Variants in DCC observed in about 807,000 individuals in gnomAD.
DCC encodes DCC netrin 1 receptor, also known as netrin receptor DCC.
A neutral mutation model predicts 172.5 loss-of-function variants in DCC; 58 were observed. The ratio of observed to expected loss-of-function variants is 0.34; its 90% CI spans 0.27 to 0.42. DCC has a LOEUF of 0.42. DCC is among the 10% of genes least tolerant of loss of function. DCC has a pLI of 1.00. For missense variants in DCC, 1,740 were observed against 1,791.0 expected (o/e 0.97, Z 0.51); for synonymous variants, 709 against 644.5 (o/e 1.10, Z -1.52).
intron 7 of DCC, among the ~76,000 whole-genome samples, chr18:53,080,480 A>T (rs112754520): frequency 0.016 from 2,405 of 152,274 alleles, 51 homozygotes; most frequent in African/African-American, 0.054. Flanking sequence ...TGCCAGGTAT[A>T]AACTATGATA....
chr18:53,410,728 C>G (rs903512364), intron 20 of DCC, 82 bp downstream of exon 20: 3 of 861,456 alleles, frequency 3.5e-6, no homozygotes, highest in Non-Finnish European at 4.0e-6. Flanking sequence ...AGAAATGGCC[C>G]TGCACCATCT....
chr18:53,323,932 A>G (rs2057439114), intron 14 of DCC, among the ~76,000 whole-genome samples: 1 of 150,512 alleles, frequency 6.6e-6, no homozygotes, highest in South Asian at 2.2e-4. Flanking sequence ...AGTTTGTAAG[A>G]TAAGCAGGTT....
chr18:52,944,085 A>G (rs961414728), intron 5 of DCC, among the ~76,000 whole-genome samples: 2 of 152,218 alleles, frequency 1.3e-5, no homozygotes, highest in African/African-American at 2.4e-5. Context: ...TGAAAATATC[A>G]AAGTTTGACA....
chr18:53,468,342 T>TTTTTTTTATTTATTTA (rs1555675964), intron 25 of DCC, among the ~76,000 whole-genome samples: 10 of 131,018 alleles, frequency 7.6e-5, no homozygotes, highest in South Asian at 2.3e-4. Flanking sequence ...CATAGTTTAT[T>TTTTTTTTATTTATTTA]TTTATTTATT....
intron 21 of DCC, among the ~76,000 whole-genome samples, chr18:53,429,335 G>A (rs975940637): frequency 2.1e-5 from 2 of 93,574 alleles, no homozygotes; most frequent in South Asian, 6.2e-4. Context: ...TAAACCAAGA[G>A]CAGAAATTAG....
rs140946246 is a variant in DCC at position 53,432,894 on chromosome 18, G to A, written c.3164-2250G>A. On this transcript the variant is annotated intron_variant, in intron 21 of 28. Transcript: ENST00000442544. ...TCTGTCTTTAGATCAAGAGATCTTA[G>A]GCTCATCAACATCCCAGAAATGGGT... Among the ~76,000 whole-genome samples the A allele has an allele frequency of 5.9e-5, 9 of 152,178 alleles. No individual in the cohort carries two copies. In the East Asian group the frequency reaches 1.5e-3, roughly 26 times the overall value.
intron 25 of DCC, among the ~76,000 whole-genome samples, chr18:53,482,332 T>G (rs989704900): frequency 6.6e-6 from 1 of 152,124 alleles, no homozygotes; most frequent in African/African-American, 2.4e-5. Flanking sequence ...TACAACAGAT[T>G]TATTATTTTT....
chr18:53,066,661 A>G (rs1394180871), intron 7 of DCC, among the ~76,000 whole-genome samples: 2 of 151,808 alleles, frequency 1.3e-5, no homozygotes, highest in East Asian at 3.9e-4. Flanking sequence ...ATAAATATAT[A>G]TACATAAGGA....
chr18:52,534,072 A>G (rs1263095357), intron 1 of DCC, among the ~76,000 whole-genome samples: 1 of 152,142 alleles, frequency 6.6e-6, no homozygotes, highest in East Asian at 1.9e-4. Flanking sequence ...GTCCTACTGT[A>G]TGGATATACC....
intron 1 of DCC, among the ~76,000 whole-genome samples, chr18:52,628,737 C>A (rs573030233): frequency 4.1e-4 from 63 of 152,300 alleles, no homozygotes; most frequent in Non-Finnish European, 7.1e-4. Flanking sequence ...AGGGAGGCAA[C>A]CCTAGTGTAT....
In DCC at chr18:52,794,338, CA is replaced by C. The variant is rs572585767; in HGVS notation, c.412+41965del. 8.6e-5 allele frequency among the ~76,000 whole-genome samples: 13 copies of C among 151,280 alleles called. No homozygotes were observed. In the East Asian group the frequency reaches 1.6e-3, roughly 18 times the overall value. On this transcript the variant is annotated intron_variant, in intron 2 of 28. Coordinates refer to ENST00000442544, the MANE Select transcript of DCC (RefSeq NM_005215.4). ...TGCTTGTGTCTTCAATTTCTTTCAT[CA>C]TTTTTTTTGTAGTTGTAGAAGTCTT...
chr18:52,389,036 G>T (rs1204392470), intron 1 of DCC, among the ~76,000 whole-genome samples: 1 of 152,062 alleles, frequency 6.6e-6, no homozygotes, highest in Admixed American at 6.6e-5. Flanking sequence ...TGCCCAGTGT[G>T]TATGGGGAAG....
intron 17 of DCC, among the ~76,000 whole-genome samples, chr18:53,394,238 T>C (rs1908768362): frequency 6.6e-6 from 1 of 152,152 alleles, no homozygotes. Context: ...ATCTATATGA[T>C]GGAAATATCC....
rs138933883 is a variant in DCC, at chr18:53,218,138, C to T, written c.1911+2541C>T. Reference sequence around the variant, plus strand: ...TGCTGAGATTACAGGCATGAGTGACCATGCTCAATTCATGAATTTTTTACG... The same window carrying T: ...TGCTGAGATTACAGGCATGAGTGACTATGCTCAATTCATGAATTTTTTACG... On this transcript the variant is annotated intron_variant, in intron 12 of 28. Coordinates refer to ENST00000442544, the MANE Select transcript of DCC (RefSeq NM_005215.4). Among the ~76,000 whole-genome samples, 853 of 152,148 alleles carry T rather than the reference C, an allele frequency of 5.6e-3. 6 individuals are homozygous for T. The highest frequency in any genetic ancestry group is 0.023 in the Admixed American group (351 of 15,270).
chr18:53,097,407 A>T (rs923702340), intron 7 of DCC, among the ~76,000 whole-genome samples: 3 of 152,216 alleles, frequency 2.0e-5, no homozygotes, highest in Non-Finnish European at 4.4e-5. Flanking sequence ...TCATAAAGGC[A>T]TTTATTTATA....
chr18:52,353,536 T>C (rs112604180), intron 1 of DCC, among the ~76,000 whole-genome samples: 7,120 of 152,304 alleles, frequency 0.047, 207 homozygotes, highest in Middle Eastern at 0.088. Context: ...TGATTGGGGA[T>C]GGTCTTCAGG....
intron 2 of DCC, among the ~76,000 whole-genome samples, chr18:52,842,615 A>G (rs957795794): frequency 6.6e-6 from 1 of 152,206 alleles, no homozygotes; most frequent in Non-Finnish European, 1.5e-5. Context: ...TGTGCATCAC[A>G]TGGCCTAGTT....
chr18:52,633,597 G>A (rs1259071475), intron 1 of DCC, among the ~76,000 whole-genome samples: 2 of 152,098 alleles, frequency 1.3e-5, no homozygotes, highest in African/African-American at 4.8e-5. Context: ...ATGAACTTTT[G>A]ATTTTTAAAA....
rs10526030 is a variant in DCC, at chr18:53,066,353, GTATATATATATATATATATA to G, written c.1261+213_1261+232del. ...TAGAAAATTGTGTGTGTACATGTGT[GTATATATATATATATATATA>G]TATATATATATATATATATATATAT... On this transcript the variant is annotated intron_variant, in intron 7 of 28. Coordinates refer to ENST00000442544, the MANE Select transcript of DCC (RefSeq NM_005215.4). Among the ~76,000 whole-genome samples, 111 of 94,616 alleles carry G rather than the reference GTATATATATATATATATATA, an allele frequency of 1.2e-3. 3 individuals are homozygous for G. The highest frequency in any genetic ancestry group is 2.6e-3 in the African/African-American group (72 of 27,222). The allele number at this position is 94,616 out of a possible 152,430, so 62.1% of individuals were successfully genotyped here. A position where few individuals can be genotyped will look rare whatever the true frequency, so the allele number is the denominator to read the frequency against.
Sources: gnomAD v4.1 joint callset for allele counts (sites outside exome capture counted in the v4.1 genomes callset) on GRCh38, gnomAD v4.1.1 for gene constraint, MANE v1.5 for transcripts, NCBI Gene and HGNC (gene_info 2026-07-23, HGNC 2026-07-21) for gene names.